SPRED2: variants seen among roughly 807,000 people sequenced by gnomAD.
SPRED2 encodes sprouty related EVH1 domain containing 2, also known as sprouty-related, EVH1 domain-containing protein 2.
A neutral mutation model predicts 43.0 loss-of-function variants in SPRED2; 47 were observed. The observed-to-expected ratio is 1.09, with a 90% CI of 0.87 to 1.40. The LOEUF (loss-of-function observed/expected upper bound fraction) is 1.40. Among genes scored for constraint, SPRED2 ranks in the 40% most tolerant of loss-of-function variants. The pLI is 0.00. For missense variants in SPRED2, 561 were observed against 586.4 expected, an observed-to-expected ratio of 0.96 and a Z score of 0.45; for synonymous variants, 225 against 225.7, an observed-to-expected ratio of 1.00 and a Z score of 0.03.
intron 1 of SPRED2, among the ~76,000 whole-genome samples, chr2:65,407,506 T>C (rs1416498870): frequency 1.3e-5 from 2 of 152,146 alleles, no homozygotes; most frequent in African/African-American, 4.8e-5. Context: ...GGTAGGTGCA[T>C]GGCATGCAAA....
rs1343896592 is a variant in SPRED2, at chr2:65,311,187, A to G, written c.*2314T>C. 1.0e-6 allele frequency: 1 copy of G among 985,726 alleles called. No individual in the cohort carries two copies. The highest frequency in any genetic ancestry group is 1.2e-6 in the Non-Finnish European group (1 of 829,926). 61.1% of individuals were successfully genotyped at this position (985,726 alleles called of 1,614,324 possible). A position where few individuals can be genotyped will look rare whatever the true frequency, so the allele number is the denominator to read the frequency against. On this transcript the variant is annotated 3_prime_UTR_variant, in exon 6 of 6. Transcript: ENST00000356388. ...ATAAAATCTGAATAATTTCTCTCAA[A>G]TGATTGACGTCAGTATGGCAAAGCT... is the stretch of plus-strand genomic sequence containing the variant.
At position 65,313,888 on chromosome 2, in the gene SPRED2, C is replaced by G. The variant is rs752312208; in HGVS notation, c.870G>C (p.Thr290=). 6.2e-7 allele frequency: 1 copy of G among 1,610,318 alleles called. No homozygotes were observed. Among genetic ancestry groups the G allele is most frequent in the East Asian group, 2.2e-5 (1 of 44,866 alleles). Residue 290 remains threonine, a synonymous_variant, in exon 6 of 6, where the codon ACG becomes ACC. Transcript: ENST00000356388. ...PKGRGGSVIK[T]QPSRGKSRRR... ...GCCGCGACTTGCCCCGGGAGGGCTG[C>G]GTCTTGATCACGCTGCCCCCGCGGC...
chr2:65,345,327 G>A (rs561690697), intron 1 of SPRED2, among the ~76,000 whole-genome samples: 32 of 147,794 alleles, frequency 2.2e-4, no homozygotes, highest in Non-Finnish European at 3.9e-4. Flanking sequence ...GTAATGGCGC[G>A]ATGTCGGCTC....
intron 1 of SPRED2, among the ~76,000 whole-genome samples, chr2:65,377,233 T>C (rs1675262223): frequency 6.6e-6 from 1 of 152,148 alleles, no homozygotes; most frequent in Admixed American, 6.6e-5. Flanking sequence ...TCTGTAACCA[T>C]CTAACCATGA....
downstream of SPRED2, among the ~76,000 whole-genome samples, chr2:65,307,805 C>T (rs1294663518): frequency 1.3e-5 from 2 of 152,222 alleles, no homozygotes; most frequent in African/African-American, 4.8e-5. Flanking sequence ...CATTGCCCTT[C>T]ATTCCATGCA....
chr2:65,430,996 C>G (rs1353860509), intron 1 of SPRED2, among the ~76,000 whole-genome samples: 3 of 152,146 alleles, frequency 2.0e-5, no homozygotes, highest in Admixed American at 6.5e-5. Flanking sequence ...CCGTCGCACC[C>G]GAGACTGAAA....
chr2:65,360,064 C>CAAAAAAAAAAAAAAACCAAAAAA (rs1243375319), intron 1 of SPRED2, among the ~76,000 whole-genome samples: 1 of 43,226 alleles, frequency 2.3e-5, no homozygotes, highest in African/African-American at 7.8e-5. Flanking sequence ...GACTCCATCT[C>CAAAAAAAAAAAAAAACCAAAAAA]AAAAAAAAAA....
At chr2:65,401,937 G>GTGCA (rs1553426614) in intron 1 of SPRED2, among the ~76,000 whole-genome samples, 1,197 of 114,760 alleles carry the variant, frequency 0.01, 19 homozygotes, top group African/African-American at 0.037. Context: ...GCGCGCGCGC[G>GTGCA]CACACACACA....
chr2:65,317,998 G>C (rs1353315237), intron 4 of SPRED2, among the ~76,000 whole-genome samples: 1 of 152,124 alleles, frequency 6.6e-6, no homozygotes, highest in Non-Finnish European at 1.5e-5. Flanking sequence ...CACCTGATAT[G>C]GTTTGGCTGT....
intron 1 of SPRED2, among the ~76,000 whole-genome samples, chr2:65,402,205 G>A (rs1485331656): frequency 1.4e-5 from 2 of 147,950 alleles, no homozygotes; most frequent in African/African-American, 5.0e-5. Context: ...CTTGAGCCCG[G>A]GAGGCGAAGG....
intron 1 of SPRED2, among the ~76,000 whole-genome samples, chr2:65,391,218 A>T (rs1675629662): frequency 6.6e-6 from 1 of 151,872 alleles, no homozygotes; most frequent in South Asian, 2.1e-4. Context: ...ACACACACAC[A>T]CACACACACA....
chr2:65,384,944 T>C (rs997762580), intron 1 of SPRED2, among the ~76,000 whole-genome samples: 3 of 151,704 alleles, frequency 2.0e-5, no homozygotes, highest in African/African-American at 7.3e-5. Flanking sequence ...TTCTATGGTA[T>C]GTTCACTAGA....
intron 1 of SPRED2, among the ~76,000 whole-genome samples, chr2:65,392,891 G>A (rs956273993): frequency 2.9e-4 from 44 of 152,144 alleles, no homozygotes; most frequent in African/African-American, 9.9e-4. Context: ...GATGAGGGAC[G>A]GAAGCAGAGG....
intron 1 of SPRED2, chr2:65,377,950 C>CA (rs1410044188): frequency 6.9e-6 from 2 of 288,010 alleles, no homozygotes; most frequent in African/African-American, 4.4e-5. Flanking sequence ...AACATGCCTT[C>CA]AGGCAGAAGC....
chr2:65,379,861 C>T (rs1558676987), intron 1 of SPRED2, among the ~76,000 whole-genome samples: 1 of 152,194 alleles, frequency 6.6e-6, no homozygotes, highest in Non-Finnish European at 1.5e-5. Flanking sequence ...GGTCACACAT[C>T]CTCCTAGATG....
chr2:65,423,892 C>T (rs373035116), intron 1 of SPRED2, among the ~76,000 whole-genome samples: 2 of 151,920 alleles, frequency 1.3e-5, no homozygotes, highest in Non-Finnish European at 2.9e-5. Context: ...CAGGTTCAAG[C>T]GATTCTCCTG....
At chr2:65,380,220 T>C (rs268137) in intron 1 of SPRED2, among the ~76,000 whole-genome samples, 138,911 of 152,242 alleles carry the variant, frequency 0.91, 63,861 homozygotes, top group East Asian at 1. Context: ...TGGTCCCATT[T>C]GTAGCTATGC....
At chr2:65,334,854 A>C (rs547028670) in intron 2 of SPRED2, 81 bp from the exon 3 acceptor site, 1 of 1,480,262 alleles carries the variant, frequency 6.8e-7, no homozygotes. Flanking sequence ...ATTAGGAACC[A>C]TCACTGGTGG....
chr2:65,395,723 G>A (rs1675743326), intron 1 of SPRED2, among the ~76,000 whole-genome samples: 1 of 152,156 alleles, frequency 6.6e-6, no homozygotes, highest in Non-Finnish European at 1.5e-5. Flanking sequence ...CAGGTTAGGG[G>A]TATCGGGCAC....
Sources: gnomAD v4.1 joint callset for allele counts (sites outside exome capture counted in the v4.1 genomes callset) on GRCh38, gnomAD v4.1.1 for gene constraint, MANE v1.5 for transcripts, NCBI Gene and HGNC (gene_info 2026-07-23, HGNC 2026-07-21) for gene names.